The following MPPED2 variants were observed in gnomAD, a reference collection of about 807,000 sequenced individuals.
The protein encoded by MPPED2 is metallophosphoesterase domain containing 2, also known as metallophosphoesterase MPPED2.
In MPPED2, 5 loss-of-function variants were observed where a neutral mutation model predicts 33.0. That is an observed-to-expected ratio of 0.15 (90% CI 0.08 to 0.32). MPPED2 has a LOEUF of 0.32. Ranked by LOEUF, MPPED2 falls within the 10% of genes least tolerant of loss-of-function variation. The pLI is 1.00. For synonymous variants in MPPED2, 136 were observed against 141.9 expected (o/e 0.96, Z 0.29); for missense variants, 275 against 372.1 (o/e 0.74, Z 2.15).
chr11:30,523,537 G>A (rs988562822), intron 3 of MPPED2, among the ~76,000 whole-genome samples: 4 of 151,614 alleles, frequency 2.6e-5, no homozygotes, highest in Admixed American at 6.6e-5. Flanking sequence ...CCAATAAGGC[G>A]CCTTCAATTT....
At chr11:30,396,323 A>G (rs1454161433) in intron 6 of MPPED2, among the ~76,000 whole-genome samples, 11 of 152,150 alleles carry the variant, frequency 7.2e-5, no homozygotes, top group Non-Finnish European at 1.3e-4. Flanking sequence ...ACTGCTAAAT[A>G]TATTCCCACT....
intron 3 of MPPED2, among the ~76,000 whole-genome samples, chr11:30,533,880 C>G (rs1309296994): frequency 6.6e-6 from 1 of 152,212 alleles, no homozygotes; most frequent in African/African-American, 2.4e-5. Flanking sequence ...TTATGGAGTA[C>G]TTTCCCTTAT....
At position 30,533,175 on chromosome 11, in the gene MPPED2, G is replaced by A. The variant is rs556230260; in HGVS notation, c.310+2819C>T. On this transcript the variant is annotated intron_variant, in intron 3 of 6. Coordinates refer to ENST00000358117, the MANE Select transcript of MPPED2 (RefSeq NM_001584.3). ...TCAGACAGCCCCATGTCTACTAGCT[G>A]AGTGTACTTGGGTGGATACTCAGCC... 2.0e-5 allele frequency among the ~76,000 whole-genome samples: 3 copies of A among 152,298 alleles called. No homozygotes were observed. In the South Asian group the frequency reaches 6.2e-4, roughly 32 times the overall value.
chr11:30,529,177 A>T (rs534868740), intron 3 of MPPED2, among the ~76,000 whole-genome samples: 1 of 152,314 alleles, frequency 6.6e-6, no homozygotes, highest in South Asian at 2.1e-4. Context: ...ATCAATTTTA[A>T]AAAATAGTCC....
intron 6 of MPPED2, among the ~76,000 whole-genome samples, chr11:30,393,808 T>G (rs111552824): frequency 1.3e-5 from 2 of 152,216 alleles, no homozygotes; most frequent in Admixed American, 1.3e-4. Context: ...TTAAAGTTAA[T>G]GTACAGTTAA....
chr11:30,414,573 T>A (rs1948258344), intron 5 of MPPED2, among the ~76,000 whole-genome samples: 1 of 150,738 alleles, frequency 6.6e-6, no homozygotes, highest in Non-Finnish European at 1.5e-5. Flanking sequence ...TTAATTAACA[T>A]TTTTTTTTCT....
intron 3 of MPPED2, among the ~76,000 whole-genome samples, chr11:30,517,458 C>T (rs932585099): frequency 1.3e-5 from 2 of 152,110 alleles, no homozygotes; most frequent in South Asian, 2.1e-4. Flanking sequence ...TTTAAACCAA[C>T]AATATTGAGG....
At chr11:30,465,558 A>G (rs1950673259) in intron 4 of MPPED2, among the ~76,000 whole-genome samples, 1 of 152,216 alleles carries the variant, frequency 6.6e-6, no homozygotes, top group African/African-American at 2.4e-5. Context: ...GGCCTCCCAA[A>G]GTGCTGGGAC....
intron 3 of MPPED2, among the ~76,000 whole-genome samples, chr11:30,496,665 A>G (rs1952268644): frequency 8.5e-6 from 1 of 117,030 alleles, no homozygotes; most frequent in Admixed American, 1.3e-4. Context: ...CCAGAGTCTC[A>G]ATGATTTCAT....
At chr11:30,458,914 CTTTTTTTTTTTTTTTTTT>C (rs71060450) in intron 4 of MPPED2, among the ~76,000 whole-genome samples, 1 of 64,516 alleles carries the variant, frequency 1.6e-5, no homozygotes, top group Non-Finnish European at 3.0e-5. Context: ...TTGCACAGTT[CTTTTTTTTTTTTTTTTTT>C]TTTTTTTTTT....
intron 2 of MPPED2, among the ~76,000 whole-genome samples, chr11:30,573,655 T>C (rs1956800965): frequency 6.6e-6 from 1 of 152,174 alleles, no homozygotes; most frequent in Non-Finnish European, 1.5e-5. Flanking sequence ...CATGTCTTAG[T>C]TTTATACACA....
chr11:30,533,490 C>G (rs1954645130), intron 3 of MPPED2, among the ~76,000 whole-genome samples: 1 of 152,086 alleles, frequency 6.6e-6, no homozygotes, highest in Admixed American at 6.6e-5. Context: ...GGAAAAAGCC[C>G]TAAAACCCTA....
chr11:30,548,933 A>T (rs1365847317), intron 2 of MPPED2, among the ~76,000 whole-genome samples: 1 of 152,206 alleles, frequency 6.6e-6, no homozygotes, highest in Admixed American at 6.5e-5. Flanking sequence ...GGAATGCATT[A>T]TCCAGGTACC....
rs370444322 is a variant in MPPED2, at chr11:30,393,936, C to G, written c.767-4980G>C. Among the ~76,000 whole-genome samples the G allele has an allele frequency of 2.2e-4, 34 of 152,288 alleles. No homozygotes were observed. The East Asian group carries it at 3.7e-3, about 16-fold the overall frequency. The stretch of plus-strand genomic sequence containing the variant: ...GCCCCAAAAACTCCCCTGTGCTGCT[C>G]TTTTGTAGTCATGCTTTGCCCCCAT... On this transcript the variant is annotated intron_variant, in intron 6 of 6. Coordinates refer to the MPPED2 transcript ENST00000448418.
chr11:30,388,778 C>T lies in MPPED2; in HGVS notation c.*111G>A, dbSNP rs1157860428. On this transcript the variant is annotated 3_prime_UTR_variant, in exon 7 of 7. Coordinates refer to the MPPED2 transcript ENST00000448418. ...TGTCTTCACCAAGGAGAGGCATCTT[C>T]CTTCCTTCCTGTGTGCCTCTCTAGT... is the stretch of plus-strand genomic sequence containing the variant. 52 of 1,308,092 alleles carry T rather than the reference C, an allele frequency of 4.0e-5. 1 individual carries two copies. The highest frequency in any genetic ancestry group is 5.1e-5 in the Non-Finnish European group (51 of 1,007,708). 81.0% of individuals were successfully genotyped at this position (1,308,092 alleles called of 1,614,324 possible).
rs771787124 is a variant in MPPED2 at position 30,580,413 on chromosome 11, G to A, written c.-40C>T. On this transcript the variant is annotated 5_prime_UTR_variant, in exon 2 of 7. Transcript: ENST00000358117. The stretch of plus-strand genomic sequence containing the variant: ...GGCATGAGCAATTCACAACTTTACA[G>A]AGCAAAAGATGGAAGCAGGCATGGT... 2 of 1,609,228 alleles carry A rather than the reference G, an allele frequency of 1.2e-6. No individual in the cohort carries two copies. The highest frequency in any genetic ancestry group is 2.2e-5 in the East Asian group (1 of 44,776).
At chr11:30,488,957 A>G (rs776745628) in intron 4 of MPPED2, among the ~76,000 whole-genome samples, 2 of 152,106 alleles carry the variant, frequency 1.3e-5, no homozygotes, top group African/African-American at 2.4e-5. Context: ...TACAGAACCA[A>G]TATTGTTTGC....
chr11:30,552,682 C>T (rs944280425), intron 2 of MPPED2, among the ~76,000 whole-genome samples: 4 of 152,050 alleles, frequency 2.6e-5, no homozygotes, highest in South Asian at 4.2e-4. Context: ...TCTTTATAAA[C>T]GTTTTCACTG....
chr11:30,401,090 C>T (rs910571080), intron 6 of MPPED2, among the ~76,000 whole-genome samples: 2 of 152,180 alleles, frequency 1.3e-5, no homozygotes, highest in South Asian at 4.1e-4. Flanking sequence ...AATGAATTTA[C>T]TGATACCTTT....
Sources: allele counts gnomAD v4.1 joint callset (sites outside exome capture counted in the v4.1 genomes callset), GRCh38; gene constraint gnomAD v4.1.1; transcripts MANE v1.5; gene names NCBI Gene and HGNC (gene_info 2026-07-23, HGNC 2026-07-21).